The following AKAP8L variants were observed in gnomAD, a reference collection of about 807,000 sequenced individuals.
AKAP8L encodes A-kinase anchor protein 8-like.
A neutral mutation model predicts 77.5 loss-of-function variants in AKAP8L; 34 were observed. The observed-to-expected ratio is 0.44, with a 90% confidence interval of 0.33 to 0.58. The LOEUF (loss-of-function observed/expected upper bound fraction) is 0.58, where lower values mean the gene tolerates loss of function less well. AKAP8L is among the 20% of genes least tolerant of loss of function. The pLI, the probability that AKAP8L is intolerant of heterozygous loss-of-function variation, is 0.02. For synonymous variants in AKAP8L, 342 were observed against 340.7 expected, an observed-to-expected ratio of 1.00 and a Z score of -0.04; for missense variants, 806 against 887.6, an observed-to-expected ratio of 0.91 and a Z score of 1.17.
At chr19:15,390,367 C>T (rs1274547412) in intron 12 of AKAP8L, among the ~76,000 whole-genome samples, 3 of 148,116 alleles carry the variant, frequency 2.0e-5, no homozygotes, top group Non-Finnish European at 4.5e-5. Flanking sequence ...TGCAGTGAGC[C>T]GAGATCACAC....
Position 15,380,889 on chromosome 19 carries a change from CA to C in AKAP8L, c.1537-278del, listed in dbSNP as rs1967398134. On this transcript the variant is annotated intron_variant, in intron 12 of 13. Transcript: ENST00000397410. ...GTATTACAGAAATCTGATTTGCTTA[CA>C]AAAAAGCTATAAGCAGTGAACAATT... is the stretch of plus-strand genomic sequence containing the variant. 3.0e-5 allele frequency: 14 copies of C among 464,736 alleles called. No individual in the cohort carries two copies. In the South Asian group the frequency reaches 4.1e-4, roughly 14 times the overall value. The allele number at this position is 464,736 out of a possible 1,614,324, so 28.8% of individuals were successfully genotyped here. A position where few individuals can be genotyped will look rare whatever the true frequency, so the allele number is the denominator to read the frequency against.
intron 12 of AKAP8L, among the ~76,000 whole-genome samples, chr19:15,396,235 C>A (rs973378417): frequency 6.6e-6 from 1 of 151,970 alleles, no homozygotes; most frequent in African/African-American, 2.4e-5. Flanking sequence ...ACCTTGGATG[C>A]GAACATCTGT....
intron 12 of AKAP8L, among the ~76,000 whole-genome samples, chr19:15,384,893 C>T (rs376651327): frequency 3.9e-5 from 6 of 151,990 alleles, no homozygotes; most frequent in East Asian, 1.9e-4. Flanking sequence ...GTTTTTGAGA[C>T]GGAGTCTCGC....
intron 12 of AKAP8L, chr19:15,382,066 G>C (rs1599583981): frequency 1.3e-5 from 2 of 152,238 alleles, no homozygotes; most frequent in African/African-American, 2.4e-5. Flanking sequence ...ATAAAAGACA[G>C]AAGAATCTGT....
chr19:15,395,039 T>G (rs960118827), intron 12 of AKAP8L, among the ~76,000 whole-genome samples: 1 of 151,950 alleles, frequency 6.6e-6, no homozygotes, highest in Non-Finnish European at 1.5e-5. Context: ...TTCCAACTTT[T>G]TTTTTTTTGA....
chr19:15,380,380 C>A lies in AKAP8L; in HGVS notation c.1683G>T (p.Glu561Asp). Residue 561 changes from glutamate to aspartate, a missense_variant, in exon 14 of 14, where the codon GAG (glutamate) becomes GAT (aspartate). By Grantham distance (45) the Glu-to-Asp change is conservative (BLOSUM62 2). Coordinates refer to ENST00000397410, the MANE Select transcript of AKAP8L (RefSeq NM_014371.4). ...CCTCGTCCAGGGCACCGCCCTCAGC[C>A]TCCTCCTGCTCCTTCTCCTCCTCGG... is the stretch of plus-strand genomic sequence containing the variant. Reference protein sequence around the residue: ...DSPEEEKEQEEAEGGALDEGA... With the variant: ...DSPEEEKEQEDAEGGALDEGA... 1 of 1,577,426 alleles carries A rather than the reference C, an allele frequency of 6.3e-7. No individual in the cohort carries two copies. The highest frequency in any genetic ancestry group is 8.6e-7 in the Non-Finnish European group (1 of 1,164,312).
chr19:15,397,137 T>C lies in AKAP8L; in HGVS notation c.1536+13A>G. The C allele has an allele frequency of 6.2e-7, 1 of 1,613,378 alleles. No homozygotes were observed. The highest frequency in any genetic ancestry group is 8.5e-7 in the Non-Finnish European group (1 of 1,179,814). ...TACCCACAGGACAGAGGGAGAGCAC[T>C]GTGGCCACTCACCCTGCGGTTCCGG... On this transcript the variant is annotated intron_variant, in intron 12 of 13. Transcript: ENST00000397410. The surrounding 1 kb of genome is among the most constrained non-coding windows in gnomAD (Gnocchi z 4.7).
At chr19:15,385,187 C>T (rs1251460972) in intron 12 of AKAP8L, among the ~76,000 whole-genome samples, 5 of 152,048 alleles carry the variant, frequency 3.3e-5, no homozygotes, top group South Asian at 2.1e-4. Context: ...CCGTTTTAGC[C>T]GGGATGGTCT....
In AKAP8L at chr19:15,380,055, T is replaced by C. The variant is rs573112236; in HGVS notation, c.*67A>G. The C allele has an allele frequency of 4.1e-4, 578 of 1,402,924 alleles. 10 individuals carry two copies. The South Asian group carries it at 8.2e-3, about 20-fold the overall frequency. The allele number at this position is 1,402,924 out of a possible 1,614,324, so 86.9% of individuals were successfully genotyped here. ...GTAACAGAGAAACCCGGAGGTGGGATGGGAAAACTTTATTAGGTTTGGTTT... is the reference window on the plus strand; with the variant it reads ...GTAACAGAGAAACCCGGAGGTGGGACGGGAAAACTTTATTAGGTTTGGTTT... On this transcript the variant is annotated 3_prime_UTR_variant, in exon 14 of 14. Coordinates refer to ENST00000397410, the MANE Select transcript of AKAP8L (RefSeq NM_014371.4).
intron 12 of AKAP8L, among the ~76,000 whole-genome samples, chr19:15,395,340 T>C (rs1967747852): frequency 1.3e-5 from 2 of 150,874 alleles, no homozygotes; most frequent in African/African-American, 4.9e-5. Context: ...TTTGTTTTGT[T>C]TTTGAGATGA....
intron 2 of AKAP8L, among the ~76,000 whole-genome samples, chr19:15,404,844 G>C (rs1180918363): frequency 2.0e-5 from 3 of 152,252 alleles, no homozygotes; most frequent in African/African-American, 7.2e-5. Flanking sequence ...ACAGCAGGAA[G>C]AGTGTAAGTC....
At chr19:15,392,753 G>A (rs1392154904) in intron 12 of AKAP8L, among the ~76,000 whole-genome samples, 1 of 151,560 alleles carries the variant, frequency 6.6e-6, no homozygotes, top group African/African-American at 2.4e-5. Context: ...AAAATTAGCT[G>A]GGCGTGGTGG....
rs753252583 is a variant in AKAP8L at position 15,401,144 on chromosome 19, A to C, written c.816+6T>G. On this transcript the variant is annotated splice_donor_region_variant and intron_variant, in intron 5 of 13. Transcript: ENST00000397410. This position sits in a 1 kb window ranked among gnomAD's most constrained non-coding sequence, Gnocchi z 6.2. ...CTTCCCAGAGGGGAAGGCTGCCTCC[A>C]CTCACTCGGAAGTCGGCTGTGGTCC... 1 of 1,604,726 alleles carries C rather than the reference A, an allele frequency of 6.2e-7. No homozygotes were observed. Among genetic ancestry groups the C allele is most frequent in the Non-Finnish European group, 8.5e-7 (1 of 1,177,196 alleles).
At position 15,403,443 on chromosome 19, in the gene AKAP8L, G is replaced by A; in HGVS notation, c.362+32C>T. ...GCAGCAGGCAGGAGCCGCCCCTGCAGAGTCTCAACCCCTAGGCAGGTGTCC... is the reference window on the plus strand; with the variant it reads ...GCAGCAGGCAGGAGCCGCCCCTGCAAAGTCTCAACCCCTAGGCAGGTGTCC... On this transcript the variant is annotated intron_variant, in intron 4 of 13. Coordinates refer to ENST00000397410, the MANE Select transcript of AKAP8L (RefSeq NM_014371.4). This position sits in a 1 kb window ranked among gnomAD's most constrained non-coding sequence, Gnocchi z 4.3. The A allele has an allele frequency of 6.2e-7, 1 of 1,608,440 alleles. No individual in the cohort carries two copies. The highest frequency in any genetic ancestry group is 8.5e-7 in the Non-Finnish European group (1 of 1,175,198).
chr19:15,393,174 G>A lies in AKAP8L; in HGVS notation c.1536+3976C>T, dbSNP rs77180132. ...ATAAAGTTAGAACCTTACCTCATAC[G>A]ATATAAATAAATTAACTCAAATGGA... On this transcript the variant is annotated intron_variant, in intron 12 of 13. Transcript: ENST00000397410. 7.9e-3 allele frequency among the ~76,000 whole-genome samples: 1,204 copies of A among 151,918 alleles called. 19 individuals are homozygous for A. The highest frequency in any genetic ancestry group is 0.027 in the African/African-American group (1,131 of 41,462).
intron 1 of AKAP8L, among the ~76,000 whole-genome samples, chr19:15,415,256 G>C (rs1968182877): frequency 6.6e-6 from 1 of 152,098 alleles, no homozygotes; most frequent in Non-Finnish European, 1.5e-5. Context: ...AACATAGTGA[G>C]ACCTCATCTC....
At chr19:15,380,904 CA>C in intron 12 of AKAP8L, 1 of 399,798 alleles carries the variant, frequency 2.5e-6, no homozygotes, top group Non-Finnish European at 4.5e-6. Flanking sequence ...AAGCTATAAG[CA>C]GTGAACAATT....
At chr19:15,383,415 A>C (rs766475215) in intron 12 of AKAP8L, 16 of 152,236 alleles carry the variant, frequency 1.1e-4, no homozygotes, top group Non-Finnish European at 2.1e-4. Context: ...CACTATGGTC[A>C]GGAACTCCTG....
At chr19:15,387,903 A>G (rs8102036) in intron 12 of AKAP8L, among the ~76,000 whole-genome samples, 122,812 of 151,442 alleles carry the variant, frequency 0.81, 50,223 homozygotes, top group East Asian at 0.99. Context: ...AGGTTGCAGC[A>G]AGCCAAGATC....
Sources: gnomAD v4.1 joint callset for allele counts (sites outside exome capture counted in the v4.1 genomes callset) on GRCh38, gnomAD v4.1.1 for gene constraint, Gnocchi (gnomAD v3.1) non-coding constraint, MANE v1.5 for transcripts, NCBI Gene and HGNC (gene_info 2026-07-23, HGNC 2026-07-21) for gene names.